Variants in DAAM1 observed in about 807,000 individuals in gnomAD.
The protein encoded by DAAM1 is disheveled-associated activator of morphogenesis 1.
Under a neutral mutation model 130.0 loss-of-function variants are expected in DAAM1, and 52 were observed. The observed-to-expected ratio is 0.40, with a 90% CI of 0.32 to 0.50. The LOEUF is 0.50. Ranked by LOEUF, DAAM1 falls within the 20% of genes least tolerant of loss-of-function variation. DAAM1 has a pLI of 0.61. For synonymous variants in DAAM1, 452 were observed against 444.5 expected, an observed-to-expected ratio of 1.02 and a Z score of -0.21; for missense variants, 1,134 against 1,303.8, an observed-to-expected ratio of 0.87 and a Z score of 2.01.
At chr14:59,225,268 T>G (rs956311626) in intron 1 of DAAM1, among the ~76,000 whole-genome samples, 5 of 152,106 alleles carry the variant, frequency 3.3e-5, no homozygotes, top group African/African-American at 1.2e-4. Flanking sequence ...CCTTGTGATC[T>G]GCCCACCTCT....
chr14:59,288,431 T>G (rs1594801575), intron 2 of DAAM1, among the ~76,000 whole-genome samples: 2 of 152,102 alleles, frequency 1.3e-5, no homozygotes, highest in African/African-American at 2.4e-5. Flanking sequence ...GGGACCTGAT[T>G]AAACAGTTTC....
At chr14:59,286,658 CTG>C (rs1180741182) in intron 2 of DAAM1, among the ~76,000 whole-genome samples, 7 of 152,112 alleles carry the variant, frequency 4.6e-5, no homozygotes, top group African/African-American at 1.7e-4. Flanking sequence ...ACGAACACCT[CTG>C]TGCACACAAA....
At chr14:59,293,287 A>C (rs1307229741) in intron 3 of DAAM1, among the ~76,000 whole-genome samples, 1 of 152,242 alleles carries the variant, frequency 6.6e-6, no homozygotes, top group African/African-American at 2.4e-5. Context: ...ATAGAAAGTT[A>C]ATCATGGAAA....
chr14:59,318,632 A>T, intron 4 of DAAM1, among the ~76,000 whole-genome samples: 1 of 152,090 alleles, frequency 6.6e-6, no homozygotes, highest in East Asian at 1.9e-4. Flanking sequence ...AGTCACATTT[A>T]GAACATCAAG....
At chr14:59,250,236 A>C (rs954743231) in intron 1 of DAAM1, among the ~76,000 whole-genome samples, 1 of 152,208 alleles carries the variant, frequency 6.6e-6, no homozygotes, top group African/African-American at 2.4e-5. Flanking sequence ...AAAACAAAAC[A>C]AATCATTGTT....
At chr14:59,223,878 C>T (rs1888854681) in intron 1 of DAAM1, among the ~76,000 whole-genome samples, 1 of 152,200 alleles carries the variant, frequency 6.6e-6, no homozygotes, top group African/African-American at 2.4e-5. Context: ...TTGTTTCCTG[C>T]ACTCTTAACA....
At chr14:59,316,078 C>T (rs1760015601) in intron 4 of DAAM1, among the ~76,000 whole-genome samples, 1 of 152,040 alleles carries the variant, frequency 6.6e-6, no homozygotes. Flanking sequence ...ACCTTTGAGC[C>T]TTAGTAGCTT....
At chr14:59,285,392 A>G (rs11845321) in intron 2 of DAAM1, among the ~76,000 whole-genome samples, 34,921 of 152,106 alleles carry the variant, frequency 0.23, 4,841 homozygotes, top group African/African-American at 0.38. Flanking sequence ...CTACATAACA[A>G]CCAGCTAACG....
intron 2 of DAAM1, among the ~76,000 whole-genome samples, chr14:59,284,233 G>T (rs866975432): frequency 6.6e-6 from 1 of 152,078 alleles, no homozygotes; most frequent in East Asian, 1.9e-4. Flanking sequence ...ATAAGTGTTC[G>T]TGGTTTCAGT....
chr14:59,197,443 A>C (rs1887933729), intron 1 of DAAM1, among the ~76,000 whole-genome samples: 1 of 152,252 alleles, frequency 6.6e-6, no homozygotes, highest in Non-Finnish European at 1.5e-5. Context: ...CCAATGGCTG[A>C]GACTGACCGC....
At chr14:59,331,112 C>G (rs1885413340) in intron 13 of DAAM1, 97 bp from the exon 14 acceptor site, 3 of 1,524,582 alleles carry the variant, frequency 2.0e-6, no homozygotes, top group Non-Finnish European at 2.6e-6. Flanking sequence ...GTGAATTTCT[C>G]TATAATAAAC....
chr14:59,236,914 G>A (rs1046956133), intron 1 of DAAM1, among the ~76,000 whole-genome samples: 1 of 152,062 alleles, frequency 6.6e-6, no homozygotes, highest in African/African-American at 2.4e-5. Flanking sequence ...TTCTGTAAGG[G>A]GCTATGTAGT....
At chr14:59,327,350 G>A (rs940298962) in intron 12 of DAAM1, among the ~76,000 whole-genome samples, 1 of 149,252 alleles carries the variant, frequency 6.7e-6, no homozygotes, top group Non-Finnish European at 1.5e-5. Context: ...TGTAATAAGG[G>A]ACTTGAGGAA....
At chr14:59,266,879 C>G (rs1245637685) in intron 2 of DAAM1, among the ~76,000 whole-genome samples, 1 of 152,106 alleles carries the variant, frequency 6.6e-6, no homozygotes. Context: ...AGGAAATCTC[C>G]CTTTAAGATT....
chr14:59,317,615 A>G (rs1293361062), intron 4 of DAAM1, among the ~76,000 whole-genome samples: 1 of 152,210 alleles, frequency 6.6e-6, no homozygotes, highest in African/African-American at 2.4e-5. Flanking sequence ...CAGAATCAGC[A>G]GCAACTACTA....
At chr14:59,262,861 C>A (rs191418904) in intron 1 of DAAM1, among the ~76,000 whole-genome samples, 1 of 152,314 alleles carries the variant, frequency 6.6e-6, no homozygotes, top group East Asian at 1.9e-4. Flanking sequence ...TTGTGCAGGG[C>A]ACTAGGCCCA....
At position 59,355,060 on chromosome 14, in the gene DAAM1, T is replaced by G. The variant is rs1594846647; in HGVS notation, c.2357-105T>G. 5 of 1,411,462 alleles carry G rather than the reference T, an allele frequency of 3.5e-6. No homozygotes were observed. In the East Asian group the frequency reaches 1.2e-4, roughly 33 times the overall value. The allele number at this position is 1,411,462 out of a possible 1,614,324, so 87.4% of individuals were successfully genotyped here. The stretch of plus-strand genomic sequence containing the variant: ...CAATAACTCAGTCTTACATCTTCAA[T>G]ATCTGTTATTAAGTGTGTGAATTTA... On this transcript the variant is annotated intron_variant, in intron 19 of 24. Transcript: ENST00000360909.
At chr14:59,251,152 C>G (rs1566668161) in intron 1 of DAAM1, among the ~76,000 whole-genome samples, 1 of 152,182 alleles carries the variant, frequency 6.6e-6, no homozygotes. Flanking sequence ...ACATGATTCT[C>G]TATTACAAGT....
intron 5 of DAAM1, among the ~76,000 whole-genome samples, chr14:59,322,360 TAAAAAG>T (rs1254945750): frequency 2.6e-5 from 4 of 151,322 alleles, no homozygotes; most frequent in Non-Finnish European, 4.4e-5. Context: ...AAAAAAAAGT[TAAAAAG>T]AAAAAATTGA....
Sources: gnomAD v4.1 joint callset for allele counts (sites outside exome capture counted in the v4.1 genomes callset) on GRCh38, gnomAD v4.1.1 for gene constraint, MANE v1.5 for transcripts, NCBI Gene and HGNC (gene_info 2026-07-23, HGNC 2026-07-21) for gene names.